The following MLXIPL variants were observed in gnomAD, a reference collection of about 807,000 sequenced individuals.
MLXIPL encodes the protein carbohydrate-responsive element-binding protein.
Under a neutral mutation model 81.5 loss-of-function variants are expected in MLXIPL, and 49 were observed. The observed-to-expected ratio is 0.60, with a 90% CI of 0.48 to 0.76. The LOEUF (loss-of-function observed/expected upper bound fraction) is 0.76. Ranked by LOEUF, MLXIPL falls within the 30% of genes least tolerant of loss-of-function variation. The probability of loss-of-function intolerance (pLI) is 0.00; values close to 1 mark genes in which losing one functional copy is unlikely to be tolerated. For missense variants in MLXIPL, 1,053 were observed against 1,167.0 expected, an observed-to-expected ratio of 0.90 and a Z score of 1.42; for synonymous variants, 466 against 485.5, an observed-to-expected ratio of 0.96 and a Z score of 0.53.
At chr7:73,624,855 C>T (rs1796641186), upstream of MLXIPL, among the ~76,000 whole-genome samples, 1 of 152,012 alleles carries the variant, frequency 6.6e-6, no homozygotes, top group Admixed American at 6.6e-5. Context: ...GTCAGGAGTT[C>T]GAGACCAGCC....
rs781794983 is a variant in MLXIPL, at chr7:73,596,462, A to G, written c.1840T>C (p.Ser614Pro). 1.9e-6 allele frequency: 3 copies of G among 1,612,746 alleles called. No individual in the cohort carries two copies. The South Asian group carries it at 3.3e-5, about 18-fold the overall frequency. The change falls in exon 12 of 17, where the codon TCA becomes CCA. Residue 614 changes from serine to proline, a missense_variant. By Grantham distance (74) the Ser-to-Pro change is moderately conservative (BLOSUM62 -1). Around this residue, in one of 3 missense-constraint regions of MLXIPL, gnomAD observed 823 missense variants for 933.0 expected, o/e 0.88. Coordinates refer to ENST00000313375, the MANE Select transcript of MLXIPL (RefSeq NM_032951.3). This position sits in a 1 kb window ranked among gnomAD's most constrained non-coding sequence, Gnocchi z 4.7. ...PAPSGSERRL[S>P]GDLSSMPGPG... ...CCTGGCATGGAGCTGAGGTCCCCTG[A>G]CAGCCGCCGTTCACTGCCTGTGGTA...
intron 5 of MLXIPL, 41 bp from the exon 6 acceptor site, chr7:73,606,152 A>G (rs1194139068): frequency 6.5e-7 from 1 of 1,545,128 alleles, no homozygotes; most frequent in Non-Finnish European, 8.8e-7. Context: ...GAGAGCTCCC[A>G]CTGCCCCGAT....
the MLXIPL span, among the ~76,000 whole-genome samples, chr7:73,636,403 C>T: frequency 1.4e-5 from 2 of 148,042 alleles, no homozygotes; most frequent in African/African-American, 5.0e-5. Context: ...GAGTGAGACT[C>T]TGTCTCAAAA....
At chr7:73,618,924 G>C (rs782380865) in intron 1 of MLXIPL, among the ~76,000 whole-genome samples, 1 of 152,194 alleles carries the variant, frequency 6.6e-6, no homozygotes, top group African/African-American at 2.4e-5. Context: ...GGCAGGGTTA[G>C]AGCAGATGTG....
Position 73,607,706 on chromosome 7 carries a change from C to A in MLXIPL, c.401-34G>T, listed in dbSNP as rs782492991. ...AGGGGGCCAGGTCAGGGGCACCCAG[C>A]TTCCTCATCCCCCACCTCACCCCAG... On this transcript the variant is annotated intron_variant, in intron 2 of 16. Transcript: ENST00000313375. 2.5e-5 allele frequency: 39 copies of A among 1,590,112 alleles called. No homozygotes were observed. The East Asian group carries it at 8.7e-4, about 36-fold the overall frequency.
chr7:73,646,537 C>A, the MLXIPL span, among the ~76,000 whole-genome samples: 1 of 152,146 alleles, frequency 6.6e-6, no homozygotes, highest in African/African-American at 2.4e-5. Flanking sequence ...AACCCTGATT[C>A]TAAACTGAGC....
chr7:73,625,010 C>T (rs951206428), upstream of MLXIPL, among the ~76,000 whole-genome samples: 1 of 151,842 alleles, frequency 6.6e-6, no homozygotes, highest in Non-Finnish European at 1.5e-5. Context: ...ATGGCAAAAC[C>T]CTGTCTCTAC....
chr7:73,598,796 T>C (rs1005581731), intron 8 of MLXIPL, among the ~76,000 whole-genome samples: 1 of 151,972 alleles, frequency 6.6e-6, no homozygotes, highest in African/African-American at 2.4e-5. Context: ...GGAAAAGGCC[T>C]ATAACCAAGC....
intron 7 of MLXIPL, among the ~76,000 whole-genome samples, chr7:73,605,355 T>C (rs1795191515): frequency 6.6e-6 from 1 of 151,874 alleles, no homozygotes; most frequent in Admixed American, 6.6e-5. Flanking sequence ...GCTCAGGAGT[T>C]TGGGACCAGT....
At position 73,596,647 on chromosome 7, in the gene MLXIPL, G is replaced by A. The variant is rs782463021; in HGVS notation, c.1814C>T (p.Ala605Val). ...VPKAERLSPP[A>V]PSGSERRLSG... ...GCAACCCCTCTCTTTACCGCTGGGCGCTGGGGGTGAGAGCCGCTCCGCTTT... is the reference window on the plus strand; with the variant it reads ...GCAACCCCTCTCTTTACCGCTGGGCACTGGGGGTGAGAGCCGCTCCGCTTT... Residue 605 changes from alanine (A) to valine (V), a missense_variant, in exon 11 of 17, where the codon GCG becomes GTG. Ala to Val is a moderately conservative substitution (Grantham distance 64). Around this residue, in one of 3 missense-constraint regions of MLXIPL, gnomAD observed 823 missense variants for 933.0 expected, o/e 0.88. Transcript: ENST00000313375. The surrounding 1 kb of genome is among the most constrained non-coding windows in gnomAD (Gnocchi z 4.7). The A allele has an allele frequency of 1.4e-5, 23 of 1,596,314 alleles. No homozygotes were observed. Among genetic ancestry groups the A allele is most frequent in the African/African-American group, 2.7e-5 (2 of 74,548 alleles).
the MLXIPL span, among the ~76,000 whole-genome samples, chr7:73,630,364 G>C: frequency 1.3e-5 from 2 of 148,616 alleles, no homozygotes; most frequent in African/African-American, 5.0e-5. Flanking sequence ...ATGATCTTGG[G>C]TCATTGCAAG....
In MLXIPL at chr7:73,620,589, A is replaced by AT. The variant is rs1459438584; in HGVS notation, c.293+3610_293+3611insA. 4.0e-3 allele frequency among the ~76,000 whole-genome samples: 594 copies of AT among 147,912 alleles called. 2 individuals carry two copies. The highest frequency in any genetic ancestry group is 0.013 in the African/African-American group (519 of 40,092). Reference sequence around the variant, plus strand: ...CTCCACCTGTACTGAAAAAAAAAAAAAAAAAAAGCCGGATGTGGTGGCAGG... The same window carrying AT: ...CTCCACCTGTACTGAAAAAAAAAAAATAAAAAAAGCCGGATGTGGTGGCAGG... On this transcript the variant is annotated intron_variant, in intron 1 of 16. Transcript: ENST00000313375.
Position 73,616,187 on chromosome 7 carries a change from G to T in MLXIPL, c.294-10C>A. ...AGACACCAGCTTGCCACTGTCAAAG[G>T]GGAGAGGAGTAGGGTTAGGGAGATG... On this transcript the variant is annotated splice_polypyrimidine_tract_variant and intron_variant, in intron 1 of 16. Coordinates refer to ENST00000313375, the MANE Select transcript of MLXIPL (RefSeq NM_032951.3). 1 of 1,606,286 alleles carries T rather than the reference G, an allele frequency of 6.2e-7. No individual in the cohort carries two copies. Among genetic ancestry groups the T allele is most frequent in the Non-Finnish European group, 8.5e-7 (1 of 1,172,936 alleles).
chr7:73,644,567 A>G, the MLXIPL span, among the ~76,000 whole-genome samples: 1 of 152,204 alleles, frequency 6.6e-6, no homozygotes, highest in Non-Finnish European at 1.5e-5. Flanking sequence ...AGTTGTTGCA[A>G]AGATGAAATG....
chr7:73,630,115 A>G, the MLXIPL span, among the ~76,000 whole-genome samples: 2 of 151,616 alleles, frequency 1.3e-5, no homozygotes, highest in Admixed American at 6.6e-5. Context: ...CTCCTGCCTC[A>G]GCCTCCCAAG....
At chr7:73,603,149 CCAGACCT>C (rs1402551880) in intron 7 of MLXIPL, among the ~76,000 whole-genome samples, 1 of 152,158 alleles carries the variant, frequency 6.6e-6, no homozygotes, top group Non-Finnish European at 1.5e-5. Context: ...GGGTTTCCAG[CCAGACCT>C]CCCCAGTGGG....
chr7:73,596,369 T>G lies in MLXIPL; in HGVS notation c.1933A>C (p.Asn645His). The change falls in exon 12 of 17, where the codon AAC becomes CAC. Residue 645 changes from asparagine (N) to histidine (H), a missense_variant. This residue lies in a region of MLXIPL where 823 missense variants were observed against 933.0 expected (regional missense o/e 0.88). Transcript: ENST00000313375. The surrounding 1 kb of genome is among the most constrained non-coding windows in gnomAD (Gnocchi z 4.7). ...GGGTGGGGGATGGTGCCCACCTTGTTGCTGTCTGGACGGCCCCGGCTGAGG... is the reference window on the plus strand; with the variant it reads ...GGGTGGGGGATGGTGCCCACCTTGTGGCTGTCTGGACGGCCCCGGCTGAGG... ...PILSRGRPDS[N>H]KTENRRITHI... 6.2e-7 allele frequency: 1 copy of G among 1,612,334 alleles called. No homozygotes were observed. The highest frequency in any genetic ancestry group is 8.5e-7 in the Non-Finnish European group (1 of 1,179,700).
chr7:73,642,731 A>G, the MLXIPL span, among the ~76,000 whole-genome samples: 1 of 151,948 alleles, frequency 6.6e-6, no homozygotes, highest in Non-Finnish European at 1.5e-5. Flanking sequence ...TCCAGGTTGA[A>G]GCACTGCTCC....
chr7:73,635,292 G>A, the MLXIPL span, among the ~76,000 whole-genome samples: 3 of 152,096 alleles, frequency 2.0e-5, no homozygotes, highest in Non-Finnish European at 2.9e-5. Flanking sequence ...AGTGGAGGAG[G>A]AGGTAGAGAA....
Sources: gnomAD v4.1 joint callset for allele counts (sites outside exome capture counted in the v4.1 genomes callset) on GRCh38, gnomAD v4.1.1 for gene constraint, gnomAD v4.1.1 regional missense constraint, Gnocchi (gnomAD v3.1) non-coding constraint, MANE v1.5 for transcripts, NCBI Gene and HGNC (gene_info 2026-07-23, HGNC 2026-07-21) for gene names.